Variants in PSD3 observed in about 807,000 individuals in gnomAD.
The protein encoded by PSD3 is PH and SEC7 domain-containing protein 3.
A neutral mutation model predicts 105.5 loss-of-function variants in PSD3; 49 were observed. The ratio of observed to expected loss-of-function variants is 0.46; its 90% CI spans 0.37 to 0.59. PSD3 has a LOEUF of 0.59. Ranked by LOEUF, PSD3 falls within the 20% of genes least tolerant of loss-of-function variation. PSD3 has a pLI of 0.00. For synonymous variants in PSD3, 557 were observed against 457.8 expected (o/e 1.22, Z -2.77); for missense variants, 1,561 against 1,263.8 (o/e 1.24, Z -3.57).
At chr8:18,762,985 G>A (rs1199443465) in intron 9 of PSD3, 2 of 1,211,010 alleles carry the variant, frequency 1.7e-6, no homozygotes, top group South Asian at 2.5e-5. Context: ...CTGAGGACAG[G>A]TGCCCATTTG....
At chr8:18,574,363 T>C (rs1473798366) in intron 13 of PSD3, among the ~76,000 whole-genome samples, 12 of 152,172 alleles carry the variant, frequency 7.9e-5, no homozygotes, top group Admixed American at 7.9e-4. Flanking sequence ...ACATCTGGTA[T>C]TTTTGATTGA....
chr8:19,004,772 C>T lies in PSD3; in HGVS notation c.21+8791G>A, dbSNP rs137936064. 2.9e-3 allele frequency among the ~76,000 whole-genome samples: 440 copies of T among 151,936 alleles called. 4 individuals are homozygous for T. Among genetic ancestry groups the T allele is most frequent in the African/African-American group, 9.9e-3 (410 of 41,476 alleles). On this transcript the variant is annotated intron_variant, in intron 1 of 15. Transcript: ENST00000327040. ...AGCCGGTGGAAGGTAATTGAATTAC[C>T]GGGGTGAGTCTTTCCAATGCTGTTC...
intron 4 of PSD3, among the ~76,000 whole-genome samples, chr8:18,816,624 T>C (rs1812244012): frequency 6.6e-6 from 1 of 152,252 alleles, no homozygotes; most frequent in East Asian, 1.9e-4. Context: ...ATTGACTATG[T>C]GCCAGCACAT....
chr8:18,728,257 T>G (rs140432507), intron 9 of PSD3, among the ~76,000 whole-genome samples: 2 of 152,186 alleles, frequency 1.3e-5, no homozygotes, highest in Non-Finnish European at 2.9e-5. Context: ...AAGAATTCAA[T>G]GAAAAGTTGA....
intron 8 of PSD3, among the ~76,000 whole-genome samples, chr8:18,785,602 CT>C (rs1429248171): frequency 1.3e-5 from 2 of 152,302 alleles, no homozygotes; most frequent in East Asian, 3.9e-4. Flanking sequence ...CGGAATGGCA[CT>C]TTTAATTTCC....
At chr8:18,648,387 T>C (rs986606012) in intron 10 of PSD3, among the ~76,000 whole-genome samples, 2 of 152,304 alleles carry the variant, frequency 1.3e-5, no homozygotes, top group Admixed American at 1.3e-4. Flanking sequence ...AGCAAAGAAC[T>C]TGGAGGCACT....
At chr8:18,851,945 G>T (rs1258872075) in intron 4 of PSD3, among the ~76,000 whole-genome samples, 1 of 152,080 alleles carries the variant, frequency 6.6e-6, no homozygotes, top group Non-Finnish European at 1.5e-5. Context: ...AAACCCATAA[G>T]GATGACAGTC....
At chr8:18,813,971 A>G (rs550918869) in intron 4 of PSD3, among the ~76,000 whole-genome samples, 52 of 152,344 alleles carry the variant, frequency 3.4e-4, no homozygotes, top group African/African-American at 1.2e-3. Context: ...AATACATGAC[A>G]GCACTTTATT....
intron 4 of PSD3, among the ~76,000 whole-genome samples, chr8:18,839,296 T>A (rs1586185270): frequency 6.6e-6 from 1 of 152,204 alleles, no homozygotes; most frequent in Admixed American, 6.5e-5. Flanking sequence ...CATCGAACTT[T>A]TAGACACAAA....
chr8:18,813,054 G>A (rs569731608), intron 4 of PSD3, among the ~76,000 whole-genome samples: 3 of 152,282 alleles, frequency 2.0e-5, no homozygotes, highest in African/African-American at 7.2e-5. Flanking sequence ...GTCAAGAGAT[G>A]AGAAACTAAA....
At chr8:18,907,753 A>C (rs1819940731) in intron 2 of PSD3, among the ~76,000 whole-genome samples, 1 of 152,238 alleles carries the variant, frequency 6.6e-6, no homozygotes, top group Non-Finnish European at 1.5e-5. Flanking sequence ...TAAGCAGCAC[A>C]TGACTGTACC....
chr8:18,713,693 C>T (rs74477085), intron 9 of PSD3, among the ~76,000 whole-genome samples: 12,141 of 152,128 alleles, frequency 0.08, 1,020 homozygotes, highest in East Asian at 0.22. Flanking sequence ...ATCATGAAAA[C>T]GGCCATACTG....
intron 4 of PSD3, among the ~76,000 whole-genome samples, chr8:18,845,320 C>A (rs969301043): frequency 6.6e-6 from 1 of 152,138 alleles, no homozygotes; most frequent in Non-Finnish European, 1.5e-5. Context: ...AGAAACCCTG[C>A]GTCTCCTGGA....
intron 2 of PSD3, among the ~76,000 whole-genome samples, chr8:18,881,728 A>G (rs1377589890): frequency 6.6e-6 from 1 of 152,204 alleles, no homozygotes. Flanking sequence ...ATTTTTTAGT[A>G]AAAGGTTTTT....
chr8:19,032,468 G>C (rs1466353597), intron 1 of PSD3, among the ~76,000 whole-genome samples: 1 of 151,990 alleles, frequency 6.6e-6, no homozygotes, highest in Admixed American at 6.6e-5. Context: ...TGAACTGGTA[G>C]TGAGACCCCA....
chr8:18,825,923 G>C (rs747290648), intron 4 of PSD3, among the ~76,000 whole-genome samples: 2 of 152,156 alleles, frequency 1.3e-5, no homozygotes, highest in African/African-American at 2.4e-5. Context: ...TGGGCCACAG[G>C]ATATCTAGAC....
chr8:19,007,780 C>G (rs573468573), intron 1 of PSD3, among the ~76,000 whole-genome samples: 1 of 152,296 alleles, frequency 6.6e-6, no homozygotes, highest in South Asian at 2.1e-4. Flanking sequence ...TGCCTTGATA[C>G]TTTCAGATAT....
At chr8:18,779,693 A>G (rs1808426664) in intron 8 of PSD3, among the ~76,000 whole-genome samples, 1 of 152,160 alleles carries the variant, frequency 6.6e-6, no homozygotes, top group South Asian at 2.1e-4. Flanking sequence ...CCTTAAATCC[A>G]GTGATGGCTC....
chr8:18,929,388 G>T (rs1821591634), intron 2 of PSD3, among the ~76,000 whole-genome samples: 1 of 152,070 alleles, frequency 6.6e-6, no homozygotes, highest in South Asian at 2.1e-4. Flanking sequence ...CAGGTCTCCA[G>T]ATCTGGAATG....
Sources: allele counts gnomAD v4.1 joint callset (sites outside exome capture counted in the v4.1 genomes callset), GRCh38; gene constraint gnomAD v4.1.1; transcripts MANE v1.5; gene names NCBI Gene and HGNC (gene_info 2026-07-23, HGNC 2026-07-21).